The following PRKCA variants were observed in gnomAD, a reference collection of about 807,000 sequenced individuals.
PRKCA encodes the protein protein kinase C alpha, also known as protein kinase C alpha type.
Under a neutral mutation model 87.0 loss-of-function variants are expected in PRKCA, and 27 were observed. The ratio of observed to expected loss-of-function variants is 0.31; its 90% confidence interval spans 0.23 to 0.43. PRKCA has a LOEUF of 0.43. PRKCA is among the 20% of genes least tolerant of loss of function. The pLI is 1.00. For missense variants in PRKCA, 518 were observed against 852.3 expected (o/e 0.61, Z 4.88); for synonymous variants, 329 against 311.1 (o/e 1.06, Z -0.61).
At chr17:66,699,559 C>G (rs959616942) in intron 8 of PRKCA, among the ~76,000 whole-genome samples, 4 of 152,148 alleles carry the variant, frequency 2.6e-5, no homozygotes, top group Non-Finnish European at 5.9e-5. Context: ...AAAGAAAAGC[C>G]CAATGCCTAC....
intron 3 of PRKCA, among the ~76,000 whole-genome samples, chr17:66,606,475 T>C (rs1970212057): frequency 6.6e-6 from 1 of 152,160 alleles, no homozygotes; most frequent in South Asian, 2.1e-4. Context: ...CATACGAATG[T>C]ATAAGGACCC....
In PRKCA at chr17:66,792,566, A is replaced by T. The variant is rs1975566852; in HGVS notation, c.1854+3587A>T. ...AAGTTAACCTTTAGACCGCAGTGCC[A>T]TGCAAAATGCGATCCCAGCGCAAAA... On this transcript the variant is annotated intron_variant, in intron 16 of 16. Transcript: ENST00000413366. The surrounding 1 kb of genome is among the most constrained non-coding windows in gnomAD (Gnocchi z 4.5). Among the ~76,000 whole-genome samples, 1 of 152,230 alleles carries T rather than the reference A, an allele frequency of 6.6e-6. No homozygotes were observed. Among genetic ancestry groups the T allele is most frequent in the South Asian group, 2.1e-4 (1 of 4,834 alleles).
At chr17:66,435,166 T>A (rs539009685) in intron 2 of PRKCA, among the ~76,000 whole-genome samples, 7 of 152,334 alleles carry the variant, frequency 4.6e-5, no homozygotes, top group Admixed American at 2.6e-4. Context: ...TTGCTAAGCT[T>A]GAGGGCAAAG....
chr17:66,310,283 G>T lies in PRKCA; in HGVS notation c.205+4156G>T, dbSNP rs80157423. Among the ~76,000 whole-genome samples, 769 of 150,660 alleles carry T rather than the reference G, an allele frequency of 5.1e-3. 7 individuals carry two copies. The highest frequency in any genetic ancestry group is 0.018 in the African/African-American group (743 of 40,914). ...GTGCTACAAACCTAGGCTCTTTGAT[G>T]AGGTGAAGATACTCAAGAGACAGCG... On this transcript the variant is annotated intron_variant, in intron 2 of 16. Transcript: ENST00000413366.
chr17:66,350,465 TTA>T (rs955980617), intron 2 of PRKCA, among the ~76,000 whole-genome samples: 3 of 152,150 alleles, frequency 2.0e-5, no homozygotes, highest in African/African-American at 4.8e-5. Flanking sequence ...AAATCTAAAA[TTA>T]TGTTATTTTC....
intron 3 of PRKCA, among the ~76,000 whole-genome samples, chr17:66,508,214 A>G (rs1483890288): frequency 2.6e-5 from 4 of 152,216 alleles, no homozygotes; most frequent in Admixed American, 1.3e-4. Context: ...CAAGAGTCAC[A>G]TGGACAGTGG....
intron 8 of PRKCA, among the ~76,000 whole-genome samples, chr17:66,714,892 G>A (rs1661290650): frequency 6.6e-6 from 1 of 152,194 alleles, no homozygotes; most frequent in Admixed American, 6.5e-5. Flanking sequence ...AGCCTTGGAA[G>A]CAGGTGTCCC....
intron 8 of PRKCA, among the ~76,000 whole-genome samples, chr17:66,713,018 A>G (rs1973370897): frequency 6.8e-6 from 1 of 146,436 alleles, no homozygotes; most frequent in African/African-American, 2.5e-5. Flanking sequence ...CCAAGAAGCC[A>G]TTGCCAAGTT....
In PRKCA at chr17:66,807,201, T is replaced by A. The variant is rs1976050912; in HGVS notation, c.*3164T>A. 1 of 152,260 alleles carries A rather than the reference T, an allele frequency of 6.6e-6. No homozygotes were observed. The highest frequency in any genetic ancestry group is 2.4e-5 in the African/African-American group (1 of 41,448). 9.4% of individuals were successfully genotyped at this position (152,260 alleles called of 1,614,324 possible). ...AGCACTGCCTGATTGCCAGGGCCTG[T>A]GGAGGTCTAGGCCGCCTGGCAGAAT... On this transcript the variant is annotated 3_prime_UTR_variant, in exon 17 of 17. Coordinates refer to ENST00000413366, the MANE Select transcript of PRKCA (RefSeq NM_002737.3). The surrounding 1 kb of genome is among the most constrained non-coding windows in gnomAD (Gnocchi z 4.3).
chr17:66,474,104 A>G (rs532585346), intron 2 of PRKCA, among the ~76,000 whole-genome samples: 1 of 152,364 alleles, frequency 6.6e-6, no homozygotes, highest in South Asian at 2.1e-4. Context: ...CATCAGTATT[A>G]TGAAGACTAT....
At chr17:66,798,416 G>C (rs1486628402) in intron 16 of PRKCA, among the ~76,000 whole-genome samples, 1 of 98,702 alleles carries the variant, frequency 1.0e-5, no homozygotes, top group Admixed American at 9.8e-5. Context: ...GATGGTGATG[G>C]TGGTGGTGGT....
intron 5 of PRKCA, among the ~76,000 whole-genome samples, chr17:66,681,294 G>A (rs1598869566): frequency 6.6e-6 from 1 of 152,140 alleles, no homozygotes; most frequent in Non-Finnish European, 1.5e-5. Flanking sequence ...TGGATCAGTG[G>A]ATCCAATGGA....
rs757577723 is a variant in PRKCA, at chr17:66,302,887, G to C, written c.36G>C (p.Ala12=). 1 of 1,606,786 alleles carries C rather than the reference G, an allele frequency of 6.2e-7. No individual in the cohort carries two copies. Among genetic ancestry groups the C allele is most frequent in the Non-Finnish European group, 8.5e-7 (1 of 1,176,170 alleles). The change falls in exon 1 of 17, where the codon GCG becomes GCC. Residue 12 remains alanine, a synonymous_variant. Transcript: ENST00000413366. ...ADVFPGNDST[A]SQDVANRFAR... is the part of the protein sequence containing the mutation. The stretch of plus-strand genomic sequence containing the variant: ...TTTTCCCGGGCAACGACTCCACGGC[G>C]TCTCAGGACGTGGCCAACCGCTTCG...
intron 3 of PRKCA, among the ~76,000 whole-genome samples, chr17:66,596,342 T>C (rs115360340): frequency 4.9e-4 from 75 of 152,260 alleles, no homozygotes; most frequent in African/African-American, 1.7e-3. Flanking sequence ...AATTTAGTCA[T>C]GTAAGGTTCA....
intron 10 of PRKCA, among the ~76,000 whole-genome samples, chr17:66,737,470 A>G (rs566151739): frequency 1.3e-5 from 2 of 152,348 alleles, no homozygotes; most frequent in Non-Finnish European, 1.5e-5. Flanking sequence ...ATGACTCCAT[A>G]ATCAGTAGCT....
At chr17:66,741,531 G>T in intron 11 of PRKCA, 128 bp from the exon 12 acceptor site, 1 of 925,058 alleles carries the variant, frequency 1.1e-6, no homozygotes, top group Non-Finnish European at 1.7e-6. Flanking sequence ...GGAAGAACAC[G>T]ATGCTGGTCT....
intron 3 of PRKCA, among the ~76,000 whole-genome samples, chr17:66,553,319 C>T (rs1389255777): frequency 1.3e-5 from 2 of 152,102 alleles, no homozygotes; most frequent in Non-Finnish European, 2.9e-5. Flanking sequence ...CCCCTATGCT[C>T]AAATGAGATT....
rs1223002594 is a variant in PRKCA at position 66,774,180 on chromosome 17, T to G, written c.1605+113T>G. 1.9e-6 allele frequency: 3 copies of G among 1,576,204 alleles called. No individual in the cohort carries two copies. The African/African-American group carries it at 4.0e-5, about 21-fold the overall frequency. ...CGTTTTAGTGCAGCTGGTGTTGGCG[T>G]GACTTCCCTGACCCAGGCGAAAGAG... is the stretch of plus-strand genomic sequence containing the variant. On this transcript the variant is annotated intron_variant, in intron 14 of 16. Transcript: ENST00000413366.
intron 7 of PRKCA, 86 bp downstream of exon 7, chr17:66,688,522 G>A: frequency 2.0e-6 from 3 of 1,530,724 alleles, no homozygotes; most frequent in East Asian, 2.3e-5. Flanking sequence ...GTCAGTTGAG[G>A]CTGGACATGG....
Sources: allele counts gnomAD v4.1 joint callset (sites outside exome capture counted in the v4.1 genomes callset), GRCh38; gene constraint gnomAD v4.1.1; non-coding constraint Gnocchi (gnomAD v3.1); transcripts MANE v1.5; gene names NCBI Gene and HGNC (gene_info 2026-07-23, HGNC 2026-07-21).